The following GRB10 variants were observed in gnomAD, a reference collection of about 807,000 sequenced individuals.
The protein encoded by GRB10 is growth factor receptor bound protein 10, also known as growth factor receptor-bound protein 10.
Under a neutral mutation model 80.9 loss-of-function variants are expected in GRB10, and 20 were observed. The ratio of observed to expected loss-of-function variants is 0.25; its 90% CI spans 0.17 to 0.36. GRB10 has a LOEUF of 0.36. GRB10 is among the 10% of genes least tolerant of loss of function. The pLI, the probability that GRB10 is intolerant of heterozygous loss-of-function variation, is 1.00. For missense variants in GRB10, 548 were observed against 747.7 expected (o/e 0.73, Z 3.12); for synonymous variants, 291 against 291.5 (o/e 1.00, Z 0.02).
At chr7:50,792,211 C>G (rs1250778237) in intron 1 of GRB10, among the ~76,000 whole-genome samples, 1 of 152,184 alleles carries the variant, frequency 6.6e-6, no homozygotes, top group Non-Finnish European at 1.5e-5. Flanking sequence ...TATTTACTCA[C>G]GAGCTCTCCT....
At chr7:50,692,253 G>A (rs1243695332) in intron 5 of GRB10, among the ~76,000 whole-genome samples, 1 of 151,992 alleles carries the variant, frequency 6.6e-6, no homozygotes, top group East Asian at 1.9e-4. Context: ...TTTGGCATTT[G>A]CAGGAGGTTC....
chr7:50,748,110 T>C (rs140501279), intron 3 of GRB10, among the ~76,000 whole-genome samples: 2 of 152,332 alleles, frequency 1.3e-5, no homozygotes, highest in African/African-American at 2.4e-5. Flanking sequence ...ACACTGTTAT[T>C]TCAGGATGGG....
At chr7:50,776,819 G>A (rs904404401) in intron 2 of GRB10, among the ~76,000 whole-genome samples, 4 of 152,092 alleles carry the variant, frequency 2.6e-5, no homozygotes, top group Admixed American at 2.0e-4. Context: ...AATACTACCA[G>A]CATTCTGATC....
At chr7:50,616,855 A>G (rs1202206752) in intron 10 of GRB10, among the ~76,000 whole-genome samples, 1 of 152,246 alleles carries the variant, frequency 6.6e-6, no homozygotes, top group Non-Finnish European at 1.5e-5. Flanking sequence ...TAAAGGCTTT[A>G]TCAAAACAAA....
chr7:50,658,165 G>A (rs894828636), intron 7 of GRB10, among the ~76,000 whole-genome samples: 5 of 152,316 alleles, frequency 3.3e-5, no homozygotes, highest in African/African-American at 1.2e-4. Context: ...AAGTCCCTCC[G>A]TGGCTGCTCA....
At chr7:50,672,762 G>A (rs1268601456) in intron 6 of GRB10, among the ~76,000 whole-genome samples, 1 of 152,150 alleles carries the variant, frequency 6.6e-6, no homozygotes, top group Non-Finnish European at 1.5e-5. Flanking sequence ...CCATGCAACT[G>A]CACCTCCATA....
chr7:50,611,160 C>T (rs1232599286), intron 13 of GRB10, among the ~76,000 whole-genome samples: 2 of 152,234 alleles, frequency 1.3e-5, no homozygotes, highest in East Asian at 3.8e-4. Context: ...CTGCAGCTCA[C>T]ACAATGTTCA....
In GRB10 at chr7:50,756,208, G is replaced by A. The variant is rs1183327011; in HGVS notation, c.-216-152C>T. ...AAGAGTGTTCTGAAGAACAAAACAA[G>A]GACGTGACTAAGTAAGATGTAGGTT... On this transcript the variant is annotated intron_variant, in intron 2 of 18. Transcript: ENST00000401949. The A allele has an allele frequency of 1.3e-5, 5 of 396,548 alleles. No individual in the cohort carries two copies. The East Asian group carries it at 1.8e-4, about 14-fold the overall frequency. 24.6% of individuals were successfully genotyped at this position (396,548 alleles called of 1,614,324 possible).
chr7:50,713,315 A>G (rs1272794336), intron 4 of GRB10, among the ~76,000 whole-genome samples: 1 of 151,272 alleles, frequency 6.6e-6, no homozygotes, highest in Admixed American at 6.6e-5. Flanking sequence ...CATTTCCACC[A>G]GCACTCCACC....
At chr7:50,641,206 G>A (rs545512216) in intron 7 of GRB10, among the ~76,000 whole-genome samples, 2 of 150,780 alleles carry the variant, frequency 1.3e-5, no homozygotes, top group South Asian at 2.1e-4. Context: ...TCGTCTGTTC[G>A]ATGAATGAAC....
chr7:50,652,742 C>T (rs1203824119), intron 7 of GRB10, among the ~76,000 whole-genome samples: 3 of 152,222 alleles, frequency 2.0e-5, no homozygotes, highest in Non-Finnish European at 4.4e-5. Context: ...ACGCAGACTT[C>T]GCTGAGACGG....
At chr7:50,628,347 T>TC (rs926113026) in intron 7 of GRB10, among the ~76,000 whole-genome samples, 1 of 152,072 alleles carries the variant, frequency 6.6e-6, no homozygotes, top group African/African-American at 2.4e-5. Flanking sequence ...CCTTTTCTTG[T>TC]GTTTGGAAGG....
chr7:50,678,430 CCA>C (rs2061184169), intron 5 of GRB10, among the ~76,000 whole-genome samples: 1 of 152,178 alleles, frequency 6.6e-6, no homozygotes, highest in African/African-American at 2.4e-5. Flanking sequence ...TTCATACTTT[CCA>C]GAGCCATTAC....
intron 6 of GRB10, among the ~76,000 whole-genome samples, chr7:50,671,758 T>C (rs2244353): frequency 0.56 from 85,902 of 152,198 alleles, 24,731 homozygotes; most frequent in African/African-American, 0.66. Context: ...GACGTTTTAG[T>C]GTCCACAAAA....
intron 17 of GRB10, among the ~76,000 whole-genome samples, chr7:50,599,930 A>T (rs1585455318): frequency 6.6e-6 from 1 of 152,194 alleles, no homozygotes; most frequent in South Asian, 2.1e-4. Context: ...CAAACATATG[A>T]CTGCCACACC....
chr7:50,758,716 T>C (rs1587921106), intron 2 of GRB10, among the ~76,000 whole-genome samples: 1 of 152,360 alleles, frequency 6.6e-6, no homozygotes, highest in Non-Finnish European at 1.5e-5. Flanking sequence ...CATATTGTAC[T>C]GATATCAGAG....
chr7:50,695,803 T>C (rs1036456055), intron 5 of GRB10, among the ~76,000 whole-genome samples: 3 of 152,158 alleles, frequency 2.0e-5, no homozygotes, highest in African/African-American at 7.2e-5. Context: ...TAATTATATT[T>C]TTATTTTCAT....
intron 8 of GRB10, among the ~76,000 whole-genome samples, chr7:50,621,138 C>T (rs772269785): frequency 3.2e-4 from 48 of 152,194 alleles, no homozygotes; most frequent in Non-Finnish European, 6.3e-4. Context: ...AGGGGGTGGC[C>T]AAACCCACGC....
chr7:50,760,441 AAAGT>A (rs2075634216), intron 2 of GRB10, among the ~76,000 whole-genome samples: 1 of 152,246 alleles, frequency 6.6e-6, no homozygotes, highest in Non-Finnish European at 1.5e-5. Flanking sequence ...AATTCTCTTA[AAAGT>A]AATATAAATA....
Sources: allele counts gnomAD v4.1 joint callset (sites outside exome capture counted in the v4.1 genomes callset), GRCh38; gene constraint gnomAD v4.1.1; transcripts MANE v1.5; gene names NCBI Gene and HGNC (gene_info 2026-07-23, HGNC 2026-07-21).